The following SBF1 variants were observed in gnomAD, a reference collection of about 807,000 sequenced individuals.
SBF1 encodes myotubularin-related protein 5.
Under a neutral mutation model 215.8 loss-of-function variants are expected in SBF1, and 65 were observed. That is an observed-to-expected ratio of 0.30 (90% CI 0.25 to 0.37). The LOEUF (loss-of-function observed/expected upper bound fraction) is 0.37. SBF1 is among the 10% of genes least tolerant of loss of function. The pLI, the probability that SBF1 is intolerant of heterozygous loss-of-function variation, is 1.00. For synonymous variants in SBF1, 1,410 were observed against 1,122.8 expected, an observed-to-expected ratio of 1.26 and a Z score of -5.11; for missense variants, 2,634 against 2,667.8, an observed-to-expected ratio of 0.99 and a Z score of 0.28.
intron 1 of SBF1, among the ~76,000 whole-genome samples, chr22:50,473,052 G>A (rs542332849): frequency 1.7e-4 from 26 of 152,282 alleles, no homozygotes; most frequent in African/African-American, 5.5e-4. Context: ...CACTACGTGT[G>A]GCTCCAGCAG....
Position 50,446,925 on chromosome 22 carries a change from G to C in SBF1, c.*217C>G, listed in dbSNP as rs751667099. On this transcript the variant is annotated 3_prime_UTR_variant, in exon 41 of 41. Transcript: ENST00000380817. ...ACAGGCCCATTGCGGGCTGTACCTT[G>C]GCCACCTCCCGGCACGGTGCTCAGC... 4 of 721,736 alleles carry C rather than the reference G, an allele frequency of 5.5e-6. No homozygotes were observed. Among genetic ancestry groups the C allele is most frequent in the Admixed American group, 1.9e-5 (1 of 52,148 alleles). 44.7% of individuals were successfully genotyped at this position (721,736 alleles called of 1,614,324 possible).
rs199705951 is a variant in SBF1, at chr22:50,462,208, T to C, written c.2393A>G (p.Asn798Ser). 559 of 1,607,150 alleles carry C rather than the reference T, an allele frequency of 3.5e-4. 2 individuals are homozygous for C. In the African/African-American group the frequency reaches 6.9e-3, roughly 20 times the overall value. Residue 798 changes from asparagine (N) to serine (S), a missense_variant, in exon 19 of 41, where the codon AAC becomes AGC. Asn to Ser is a conservative substitution (Grantham distance 46). Transcript: ENST00000380817. ...CAACCCCCAGTCCCTGCCTCACCTGTTGGTGACCAGGCTGTTGCTGGCGCT... is the reference window on the plus strand; with the variant it reads ...CAACCCCCAGTCCCTGCCTCACCTGCTGGTGACCAGGCTGTTGCTGGCGCT... The part of the protein sequence containing the change: ...LESASNSLVT[N>S]SMAGSVAESY...
At chr22:50,473,575 G>T (rs188175012) in intron 1 of SBF1, among the ~76,000 whole-genome samples, 1 of 152,200 alleles carries the variant, frequency 6.6e-6, no homozygotes, top group Non-Finnish European at 1.5e-5. Flanking sequence ...AGAGGGCACT[G>T]AGGAGGGGCT....
chr22:50,449,562 C>T (rs2066962361), intron 36 of SBF1, among the ~76,000 whole-genome samples: 1 of 151,450 alleles, frequency 6.6e-6, no homozygotes, highest in South Asian at 2.1e-4. Flanking sequence ...TTGCAGTGAG[C>T]CGAGATCACA....
chr22:50,460,948 C>T (rs572134137), intron 23 of SBF1, among the ~76,000 whole-genome samples: 3 of 152,318 alleles, frequency 2.0e-5, no homozygotes, highest in Non-Finnish European at 2.9e-5. Flanking sequence ...ACTTGAGGGC[C>T]GGCGCCCCAA....
In SBF1 at chr22:50,461,574, A is replaced by C. The variant is rs1370273118; in HGVS notation, c.2788T>G (p.Phe930Val). The change falls in exon 22 of 41, where the codon TTC becomes GTC. Residue 930 changes from phenylalanine to valine, a missense_variant. By Grantham distance (50) the Phe-to-Val change is conservative. Coordinates refer to ENST00000380817, the MANE Select transcript of SBF1 (RefSeq NM_002972.4). ...PALLPAEGAV[F>V]LTTYRVIFTG... ...AAGATGACCCGGTACGTGGTGAGGAAGACGGCGCCCTCAGCTGGGAGCAAT... is the reference window on the plus strand; with the variant it reads ...AAGATGACCCGGTACGTGGTGAGGACGACGGCGCCCTCAGCTGGGAGCAAT... 6.2e-7 allele frequency: 1 copy of C among 1,611,132 alleles called. No homozygotes were observed. Among genetic ancestry groups the C allele is most frequent in the Non-Finnish European group, 8.5e-7 (1 of 1,178,874 alleles).
At chr22:50,470,692 G>A (rs2067965159) in intron 1 of SBF1, among the ~76,000 whole-genome samples, 1 of 152,226 alleles carries the variant, frequency 6.6e-6, no homozygotes, top group Non-Finnish European at 1.5e-5. Flanking sequence ...TGGCTTGGCT[G>A]GGACGGACCA....
chr22:50,456,197 G>T lies in SBF1; in HGVS notation c.4266+19C>A. 1 of 1,609,664 alleles carries T rather than the reference G, an allele frequency of 6.2e-7. No individual in the cohort carries two copies. The highest frequency in any genetic ancestry group is 8.5e-7 in the Non-Finnish European group (1 of 1,178,712). The stretch of plus-strand genomic sequence containing the variant: ...GGCCCAGCACCAAGGCGGGCAGAGG[G>T]ACGGGGCAGTGCAGAGACCTGGATC... On this transcript the variant is annotated intron_variant, in intron 31 of 40. Coordinates refer to ENST00000380817, the MANE Select transcript of SBF1 (RefSeq NM_002972.4).
Position 50,461,725 on chromosome 22 carries a change from G to C in SBF1, c.2644-7C>G. On this transcript the variant is annotated splice_region_variant and splice_polypyrimidine_tract_variant and intron_variant, in intron 21 of 40. Transcript: ENST00000380817. ...GCGGCCGCAGCAGCTTGGGCTGCTC[G>C]AAAACAAGAGCAGGAGCTCAGGATG... The C allele has an allele frequency of 1.2e-6, 2 of 1,609,030 alleles. No homozygotes were observed. Among genetic ancestry groups the C allele is most frequent in the Non-Finnish European group, 1.7e-6 (2 of 1,177,852 alleles).
intron 1 of SBF1, 112 bp downstream of exon 1, chr22:50,474,674 A>AGCCCCCAGCCCTCG: frequency 4.2e-6 from 2 of 475,356 alleles, no homozygotes; most frequent in African/African-American, 3.1e-5. Context: ...CTCCCGACCC[A>AGCCCCCAGCCCTCG]GCCCCCAGCC....
chr22:50,460,223 C>T, intron 25 of SBF1, 49 bp downstream of exon 25: 2 of 1,601,706 alleles, frequency 1.2e-6, no homozygotes, highest in Non-Finnish European at 8.5e-7. Context: ...CCTCCCTGGC[C>T]AATGTCAGCA....
In SBF1 at chr22:50,459,980, C is replaced by G; in HGVS notation, c.3463G>C (p.Val1155Leu). ...AKSEPFRISP[V>L]NRMYAICRSY... ...CGGCAGATGGCATACATGCGGTTGA[C>G]CGGAGAAATGCGGAAGGGCTCAGAC... is the stretch of plus-strand genomic sequence containing the variant. The change falls in exon 26 of 41, where the codon GTC becomes CTC. Residue 1155 changes from valine to leucine, a missense_variant. Coordinates refer to ENST00000380817, the MANE Select transcript of SBF1 (RefSeq NM_002972.4). The G allele has an allele frequency of 6.2e-7, 1 of 1,613,880 alleles. No individual in the cohort carries two copies. Among genetic ancestry groups the G allele is most frequent in the East Asian group, 2.2e-5 (1 of 44,882 alleles).
chr22:50,455,491 A>G lies in SBF1; in HGVS notation c.4358T>C (p.Ile1453Thr). ...CCACGCGCCACACACCTGGGTGGTG[A>G]TGTCCCAGCCATCCTCCAGGCCCAC... is the stretch of plus-strand genomic sequence containing the variant. ...VLVGLEDGWD[I>T]TTQVVSLVQL... The change falls in exon 32 of 41, where the codon ATC becomes ACC. Residue 1453 changes from isoleucine to threonine, a missense_variant. Physicochemically the swap from Ile to Thr is moderately conservative, Grantham distance 89. Coordinates refer to ENST00000380817, the MANE Select transcript of SBF1 (RefSeq NM_002972.4). The G allele has an allele frequency of 6.2e-7, 1 of 1,609,504 alleles. No homozygotes were observed. The highest frequency in any genetic ancestry group is 1.1e-5 in the South Asian group (1 of 90,598).
rs752874940 is a variant in SBF1, at chr22:50,446,831, ACT to A, written c.*309_*310del. The A allele has an allele frequency of 1.8e-4, 130 of 707,798 alleles. No homozygotes were observed. Among genetic ancestry groups the A allele is most frequent in the South Asian group, 1.5e-3 (110 of 72,070 alleles). The allele number at this position is 707,798 out of a possible 1,614,324, so 43.8% of individuals were successfully genotyped here. A position where few individuals can be genotyped will look rare whatever the true frequency, so the allele number is the denominator to read the frequency against. On this transcript the variant is annotated 3_prime_UTR_variant, in exon 41 of 41. Transcript: ENST00000380817. ...TGGCGTTAGTTCTCTCTTTATATAG[ACT>A]CTGGTTCTAGAAACTCGCCTGCAGC...
At position 50,455,286 on chromosome 22, in the gene SBF1, G is replaced by A; in HGVS notation, c.4492C>T (p.Leu1498=). ...GTGAAGCCGCTGCTCTGCCCGGCCA[G>A]GGTGTGAGCTCCACGGTGGCTGAAG... ...HRFSHRGAHT[L]AGQSSGFTPV... Residue 1498 remains leucine (L), a synonymous_variant, in exon 33 of 41, where the codon CTG becomes TTG. Coordinates refer to ENST00000380817, the MANE Select transcript of SBF1 (RefSeq NM_002972.4). 6.2e-7 allele frequency: 1 copy of A among 1,613,516 alleles called. No homozygotes were observed.
chr22:50,449,667 G>C (rs542072769), intron 36 of SBF1, among the ~76,000 whole-genome samples: 1 of 139,904 alleles, frequency 7.1e-6, no homozygotes, highest in Non-Finnish European at 1.6e-5. Context: ...CCCCAAAATG[G>C]GACAGAAAAA....
Position 50,453,099 on chromosome 22 carries a change from A to T in SBF1, c.5043+1413T>A, listed in dbSNP as rs2067111515. Among the ~76,000 whole-genome samples the T allele has an allele frequency of 3.3e-5, 5 of 152,316 alleles. No homozygotes were observed. In the South Asian group the frequency reaches 8.3e-4, roughly 25 times the overall value. ...TTAAAATGGGCTAAAAATTCCAATT[A>T]AAAAAACCCATTAGACTGGATAACA... On this transcript the variant is annotated intron_variant, in intron 36 of 40. Coordinates refer to ENST00000380817, the MANE Select transcript of SBF1 (RefSeq NM_002972.4).
chr22:50,460,322 C>G lies in SBF1; in HGVS notation c.3233G>C (p.Trp1078Ser). 6.2e-7 allele frequency: 1 copy of G among 1,613,134 alleles called. No individual in the cohort carries two copies. Among genetic ancestry groups the G allele is most frequent in the Non-Finnish European group, 8.5e-7 (1 of 1,179,362 alleles). ...VTRKKYNPPSWEHRGQPPPED... is the reference protein window; with the variant it reads ...VTRKKYNPPSSEHRGQPPPED... ...AGGGGGCGGCTGGCCCCGGTGCTCC[C>G]AGCTGGGGGGGTTGTACTTCTTGCG... is the stretch of plus-strand genomic sequence containing the variant. Residue 1078 changes from tryptophan (W) to serine (S), a missense_variant, in exon 25 of 41, where the codon TGG becomes TCG. By Grantham distance (177) the Trp-to-Ser change is radical. Transcript: ENST00000380817.
chr22:50,450,392 G>A (rs1183435583), intron 36 of SBF1, among the ~76,000 whole-genome samples: 5 of 152,016 alleles, frequency 3.3e-5, no homozygotes, highest in African/African-American at 9.7e-5. Flanking sequence ...ATGGTGGCGG[G>A]CACCTGTAAT....
Sources: allele counts gnomAD v4.1 joint callset (sites outside exome capture counted in the v4.1 genomes callset), GRCh38; gene constraint gnomAD v4.1.1; transcripts MANE v1.5; gene names NCBI Gene and HGNC (gene_info 2026-07-23, HGNC 2026-07-21).